Variants in DAB1 observed in about 807,000 individuals in gnomAD.
The protein encoded by DAB1 is disabled homolog 1.
In DAB1, 15 loss-of-function variants were observed where a neutral mutation model predicts 64.6. That is an observed-to-expected ratio of 0.23 (90% CI 0.16 to 0.36). DAB1 has a LOEUF of 0.36. Among genes scored for constraint, DAB1 ranks in the 10% least tolerant of loss-of-function variants. The pLI is 1.00. For missense variants in DAB1, 596 were observed against 706.7 expected (o/e 0.84, Z 1.78); for synonymous variants, 235 against 251.9 (o/e 0.93, Z 0.64).
chr1:57,584,230 T>C (rs568775343), intron 7 of DAB1, among the ~76,000 whole-genome samples: 9 of 152,108 alleles, frequency 5.9e-5, no homozygotes, highest in African/African-American at 2.2e-4. Flanking sequence ...ATCATTTCCC[T>C]TTTTTTTGTC....
At chr1:58,441,296 T>C (rs1014659697) in intron 3 of DAB1, among the ~76,000 whole-genome samples, 1 of 152,190 alleles carries the variant, frequency 6.6e-6, no homozygotes, top group Non-Finnish European at 1.5e-5. Context: ...CAACAGCTAG[T>C]AAGTGACAGA....
At chr1:58,159,228 A>C (rs1655380497) in intron 4 of DAB1, among the ~76,000 whole-genome samples, 1 of 152,198 alleles carries the variant, frequency 6.6e-6, no homozygotes, top group South Asian at 2.1e-4. Flanking sequence ...AAGTGAGATA[A>C]TACATGTACA....
At chr1:57,790,592 C>T (rs916495869) in intron 6 of DAB1, among the ~76,000 whole-genome samples, 2 of 152,090 alleles carry the variant, frequency 1.3e-5, no homozygotes, top group Admixed American at 1.3e-4. Context: ...CAACTTTCTC[C>T]CACCATCCCT....
At chr1:58,109,299 C>T (rs1279173411) in intron 5 of DAB1, among the ~76,000 whole-genome samples, 1 of 152,174 alleles carries the variant, frequency 6.6e-6, no homozygotes, top group Non-Finnish European at 1.5e-5. Flanking sequence ...CATGAAAGAA[C>T]TAACGTGAAT....
At chr1:57,264,238 A>G (rs1417861617) in intron 2 of DAB1, among the ~76,000 whole-genome samples, 1 of 152,198 alleles carries the variant, frequency 6.6e-6, no homozygotes, top group African/African-American at 2.4e-5. Context: ...TTCACCTACT[A>G]GACACAGAAA....
chr1:57,873,702 A>G (rs1209815587), intron 1 of DAB1, among the ~76,000 whole-genome samples: 1 of 152,146 alleles, frequency 6.6e-6, no homozygotes, highest in African/African-American at 2.4e-5. Context: ...CTGGGGCTCT[A>G]CAGCATGTTT....
intron 7 of DAB1, among the ~76,000 whole-genome samples, chr1:57,529,225 C>G (rs1038424628): frequency 1.1e-4 from 16 of 151,746 alleles, no homozygotes; most frequent in African/African-American, 3.4e-4. Flanking sequence ...AAAATTAACA[C>G]AAAAAGCATA....
At chr1:57,919,180 T>G (rs993260631) in intron 5 of DAB1, among the ~76,000 whole-genome samples, 1 of 151,972 alleles carries the variant, frequency 6.6e-6, no homozygotes, top group Admixed American at 6.6e-5. Context: ...ACAATTTGGG[T>G]TGTGAGGAGG....
At chr1:57,597,211 C>A (rs1570659796) in intron 7 of DAB1, among the ~76,000 whole-genome samples, 2 of 152,230 alleles carry the variant, frequency 1.3e-5, no homozygotes, top group South Asian at 4.1e-4. Context: ...CTAATCAAAG[C>A]CTGCCTGATT....
In DAB1 at chr1:57,970,069, G is replaced by A. The variant is rs144740248; in HGVS notation, n.388-85907C>T. ...CTCTTCTACCATGTGAGGACACAGA[G>A]AGAAGGCACCGTCTATGAAATAGAA... On this transcript the variant is annotated intron_variant and non_coding_transcript_variant, in intron 5 of 20. Transcript: ENST00000485760. Among the ~76,000 whole-genome samples, 18 of 152,286 alleles carry A rather than the reference G, an allele frequency of 1.2e-4. No individual in the cohort carries two copies. In the East Asian group the frequency reaches 3.1e-3, roughly 26 times the overall value.
chr1:58,447,084 A>G (rs978004294), intron 3 of DAB1, among the ~76,000 whole-genome samples: 1 of 152,240 alleles, frequency 6.6e-6, no homozygotes, highest in East Asian at 1.9e-4. Context: ...CTGAGTGCTC[A>G]GTGGCCAGGT....
chr1:58,072,086 G>GGT (rs1553157685), intron 5 of DAB1, among the ~76,000 whole-genome samples: 3 of 32,576 alleles, frequency 9.2e-5, no homozygotes, highest in Non-Finnish European at 2.6e-4. Flanking sequence ...TTGGTGGGGT[G>GGT]GGGGGGGGTG....
At chr1:57,248,416 T>C (rs548841024) in intron 2 of DAB1, among the ~76,000 whole-genome samples, 49 of 152,268 alleles carry the variant, frequency 3.2e-4, no homozygotes, top group South Asian at 1.0e-3. Flanking sequence ...GCTGAATCTA[T>C]AGCAATAAAT....
chr1:58,114,691 C>T (rs533520049), intron 5 of DAB1, among the ~76,000 whole-genome samples: 2 of 152,280 alleles, frequency 1.3e-5, no homozygotes, highest in Admixed American at 1.3e-4. Context: ...TACTATTGAT[C>T]CTTTGCTGAC....
intron 2 of DAB1, among the ~76,000 whole-genome samples, chr1:57,188,224 G>C (rs12030855): frequency 0.17 from 25,404 of 152,046 alleles, 2,465 homozygotes; most frequent in Admixed American, 0.28. Flanking sequence ...GAGTGCTGAG[G>C]CTTCTCCAGG....
At chr1:57,129,960 C>T (rs902813506) in intron 4 of DAB1, among the ~76,000 whole-genome samples, 6 of 151,786 alleles carry the variant, frequency 4.0e-5, no homozygotes, top group African/African-American at 4.8e-5. Context: ...CTTCAGTGAC[C>T]GATTAGCATC....
chr1:57,067,011 C>T (rs979450089), intron 8 of DAB1, among the ~76,000 whole-genome samples: 8 of 126,488 alleles, frequency 6.3e-5, no homozygotes, highest in Non-Finnish European at 1.4e-4. Flanking sequence ...CTTACAAGCC[C>T]TTAAAAAAAA....
At chr1:58,308,704 G>C (rs4912188) in intron 4 of DAB1, among the ~76,000 whole-genome samples, 6 of 152,150 alleles carry the variant, frequency 3.9e-5, no homozygotes, top group East Asian at 1.9e-4. Context: ...TCAGCAACCT[G>C]CTAGCTAGCT....
At chr1:57,147,275 C>T (rs1050363686) in intron 2 of DAB1, among the ~76,000 whole-genome samples, 6 of 151,782 alleles carry the variant, frequency 4.0e-5, no homozygotes, top group Non-Finnish European at 7.4e-5. Flanking sequence ...CCTTGGCCTC[C>T]CCAAGTGCAG....
Sources: allele counts gnomAD v4.1 joint callset (sites outside exome capture counted in the v4.1 genomes callset), GRCh38; gene constraint gnomAD v4.1.1; transcripts MANE v1.5; gene names NCBI Gene and HGNC (gene_info 2026-07-23, HGNC 2026-07-21).